Variants in ATP6V0A2 observed in about 807,000 individuals in gnomAD.
ATP6V0A2 encodes the protein V-type proton ATPase 116 kDa subunit a 2.
A neutral mutation model predicts 104.4 loss-of-function variants in ATP6V0A2; 58 were observed. The ratio of observed to expected loss-of-function variants is 0.56; its 90% CI spans 0.45 to 0.69. The LOEUF is 0.69. ATP6V0A2 is among the 30% of genes least tolerant of loss of function. The probability of loss-of-function intolerance (pLI) is 0.00; values close to 1 mark genes in which losing one functional copy is unlikely to be tolerated. For synonymous variants in ATP6V0A2, 376 were observed against 397.9 expected, an observed-to-expected ratio of 0.95 and a Z score of 0.65; for missense variants, 938 against 1,062.9, an observed-to-expected ratio of 0.88 and a Z score of 1.63.
In ATP6V0A2 at chr12:123,737,281, C is replaced by T. The variant is rs1956564638; in HGVS notation, c.1038+10C>T. 1 of 1,613,524 alleles carries T rather than the reference C, an allele frequency of 6.2e-7. No homozygotes were observed. Among genetic ancestry groups the T allele is most frequent in the Non-Finnish European group, 8.5e-7 (1 of 1,179,672 alleles). On this transcript the variant is annotated intron_variant, in intron 9 of 19. Coordinates refer to ENST00000330342, the MANE Select transcript of ATP6V0A2 (RefSeq NM_012463.4). ...ACTGGAGGAGGGCTCGGTAAGGCTG[C>T]CTTCCTCTCCTCTGCCAGGAACAGA...
Position 123,759,129 on chromosome 12 carries a change from G to T in ATP6V0A2, c.*1097G>T, listed in dbSNP as rs1277118447. The T allele has an allele frequency of 1.3e-5, 2 of 152,470 alleles. No individual in the cohort carries two copies. Among genetic ancestry groups the T allele is most frequent in the Non-Finnish European group, 2.9e-5 (2 of 68,018 alleles). The allele number at this position is 152,470 out of a possible 1,614,324, so 9.4% of individuals were successfully genotyped here. A position where few individuals can be genotyped will look rare whatever the true frequency, so the allele number is the denominator to read the frequency against. On this transcript the variant is annotated 3_prime_UTR_variant, in exon 20 of 20. Coordinates refer to ENST00000330342, the MANE Select transcript of ATP6V0A2 (RefSeq NM_012463.4). ...TTGGCTGATGTCACTGAACCAGAAG[G>T]GTTTATACTGAGTGAAGGAAAGGTA...
Position 123,726,293 on chromosome 12 carries a change from A to T in ATP6V0A2, c.521+8A>T. 6.2e-7 allele frequency: 1 copy of T among 1,609,052 alleles called. No individual in the cohort carries two copies. The highest frequency in any genetic ancestry group is 8.5e-7 in the Non-Finnish European group (1 of 1,175,310). On this transcript the variant is annotated splice_region_variant and intron_variant, in intron 5 of 19. Transcript: ENST00000330342. ...GCTGGGAGCAAAACTGGGGTAGGTGACAAGGCCTGGGGTGTCAGGCTTCAT... is the reference window on the plus strand; with the variant it reads ...GCTGGGAGCAAAACTGGGGTAGGTGTCAAGGCCTGGGGTGTCAGGCTTCAT...
At chr12:123,723,924 T>G (rs1375035610) in intron 3 of ATP6V0A2, 1 of 152,074 alleles carries the variant, frequency 6.6e-6, no homozygotes, top group Non-Finnish European at 1.5e-5. Flanking sequence ...ATGTGTGATA[T>G]GAATAAGCAG....
rs143178672 is a variant in ATP6V0A2, at chr12:123,751,155, C to G, written c.1981C>G (p.Pro661Ala). Residue 661 changes from proline to alanine, a missense_variant, in exon 16 of 20, where the codon CCT becomes GCT. Physicochemically the swap from Pro to Ala is conservative, Grantham distance 27 (BLOSUM62 -1). Coordinates refer to ENST00000330342, the MANE Select transcript of ATP6V0A2 (RefSeq NM_012463.4). ...VLLVVTALSV[P>A]VLFLGKPLFL... The stretch of plus-strand genomic sequence containing the variant: ...GCTGGTTGTCACAGCATTGTCTGTC[C>G]CTGTCCTCTTCTTGGGAAAGCCACT... 9.9e-6 allele frequency: 16 copies of G among 1,614,014 alleles called. No individual in the cohort carries two copies. Among genetic ancestry groups the G allele is most frequent in the Non-Finnish European group, 1.4e-5 (16 of 1,180,050 alleles).
At chr12:123,739,231 G>A (rs543304954) in intron 9 of ATP6V0A2, among the ~76,000 whole-genome samples, 3 of 152,270 alleles carry the variant, frequency 2.0e-5, no homozygotes, top group South Asian at 4.1e-4. Flanking sequence ...TCTTTGCTCC[G>A]CTCGTGGGCA....
At position 123,744,896 on chromosome 12, in the gene ATP6V0A2, G is replaced by T. The variant is rs1217911686; in HGVS notation, c.1529G>T (p.Arg510Ile). ...KMVLWNDSVV[R>I]HNSILQLDPS... ...TTTTGTTACAGTGACAGCGTCGTTA[G>T]ACACAACAGCATTTTGCAGCTGGAT... The change falls in exon 13 of 20, where the codon AGA (arginine) becomes ATA (isoleucine). Residue 510 changes from arginine (R) to isoleucine (I), a missense_variant. Arg to Ile is a moderately conservative substitution (Grantham distance 97). Coordinates refer to ENST00000330342, the MANE Select transcript of ATP6V0A2 (RefSeq NM_012463.4). This position sits in a 1 kb window ranked among gnomAD's most constrained non-coding sequence, Gnocchi z 5.4. 15 of 1,614,212 alleles carry T rather than the reference G, an allele frequency of 9.3e-6. No individual in the cohort carries two copies. The highest frequency in any genetic ancestry group is 1.3e-5 in the Non-Finnish European group (15 of 1,180,044).
chr12:123,735,566 C>A lies in ATP6V0A2; in HGVS notation c.767C>A (p.Ala256Asp). The A allele has an allele frequency of 6.2e-7, 1 of 1,614,034 alleles. No homozygotes were observed. Among genetic ancestry groups the A allele is most frequent in the Non-Finnish European group, 8.5e-7 (1 of 1,179,950 alleles). The change falls in exon 8 of 20, where the codon GCC (alanine) becomes GAC (aspartate). Residue 256 changes from alanine to aspartate, a missense_variant. Transcript: ENST00000330342. ...HCHVYPYPNTAEERREIQEGL... is the reference protein window; with the variant it reads ...HCHVYPYPNTDEERREIQEGL... ...CACGTGTACCCCTATCCAAACACAG[C>A]CGAGGAGCGGAGGGAGATCCAGGAG...
intron 4 of ATP6V0A2, among the ~76,000 whole-genome samples, chr12:123,725,188 C>A (rs1396237472): frequency 1.3e-5 from 2 of 152,152 alleles, no homozygotes; most frequent in African/African-American, 2.4e-5. Context: ...CCTTCCTCGG[C>A]CTTCCAAAGT....
intron 15 of ATP6V0A2, chr12:123,750,331 GTCAGC>G (rs1956702505): frequency 6.6e-6 from 1 of 152,536 alleles, no homozygotes; most frequent in Admixed American, 6.5e-5. Flanking sequence ...GTTAACCTAG[GTCAGC>G]CTGGCTCCAG....
intron 7 of ATP6V0A2, 127 bp downstream of exon 7, chr12:123,734,135 A>G: frequency 1.4e-6 from 1 of 695,456 alleles, no homozygotes; most frequent in Non-Finnish European, 2.5e-6. Context: ...TCTTTGCTGC[A>G]CTGCCAAGTT....
intron 15 of ATP6V0A2, among the ~76,000 whole-genome samples, chr12:123,749,730 G>A (rs1372434045): frequency 1.3e-5 from 2 of 152,268 alleles, no homozygotes; most frequent in Admixed American, 1.3e-4. Flanking sequence ...TCCTGCCCAC[G>A]GATGCTGGTC....
At chr12:123,725,382 A>C (rs1956439733) in intron 4 of ATP6V0A2, among the ~76,000 whole-genome samples, 1 of 152,228 alleles carries the variant, frequency 6.6e-6, no homozygotes, top group Non-Finnish European at 1.5e-5. Context: ...GGTTGAAAAA[A>C]ATTTTTATGA....
chr12:123,746,724 A>C (rs909950553), intron 13 of ATP6V0A2, among the ~76,000 whole-genome samples: 6 of 151,184 alleles, frequency 4.0e-5, no homozygotes, highest in African/African-American at 9.7e-5. Context: ...AGGCAGGCGG[A>C]TCACCTGAGG....
At chr12:123,730,301 C>T (rs929174884) in intron 6 of ATP6V0A2, among the ~76,000 whole-genome samples, 16 of 151,908 alleles carry the variant, frequency 1.1e-4, no homozygotes, top group South Asian at 2.1e-4. Context: ...ATGATCCACC[C>T]GCCTCGGCCT....
intron 9 of ATP6V0A2, among the ~76,000 whole-genome samples, chr12:123,743,074 CTCTT>C (rs1956624494): frequency 1.3e-5 from 2 of 152,126 alleles, no homozygotes; most frequent in South Asian, 4.1e-4. Context: ...CTCAAACTTC[CTCTT>C]TCTTCACCGT....
At chr12:123,725,905 A>G (rs1358963386) in intron 4 of ATP6V0A2, among the ~76,000 whole-genome samples, 2 of 152,194 alleles carry the variant, frequency 1.3e-5, no homozygotes, top group Non-Finnish European at 2.9e-5. Context: ...ACTTAGTTTC[A>G]CTTGATATGA....
intron 1 of ATP6V0A2, among the ~76,000 whole-genome samples, chr12:123,714,939 G>T (rs182177090): frequency 6.6e-6 from 1 of 152,254 alleles, no homozygotes; most frequent in Non-Finnish European, 1.5e-5. Context: ...AATTAGCTGG[G>T]CATGGCGGGG....
chr12:123,726,617 C>T (rs557109414), intron 5 of ATP6V0A2, among the ~76,000 whole-genome samples: 93 of 152,240 alleles, frequency 6.1e-4, no homozygotes, highest in African/African-American at 2.2e-3. Flanking sequence ...GTGGCTAAAC[C>T]GAGTTGGTTA....
At chr12:123,716,733 G>C (rs1189765465) in intron 1 of ATP6V0A2, among the ~76,000 whole-genome samples, 1 of 151,400 alleles carries the variant, frequency 6.6e-6, no homozygotes, top group Non-Finnish European at 1.5e-5. Flanking sequence ...AGAGGTTGCA[G>C]TGAGCTGAGA....
Sources: allele counts gnomAD v4.1 joint callset (sites outside exome capture counted in the v4.1 genomes callset), GRCh38; gene constraint gnomAD v4.1.1; non-coding constraint Gnocchi (gnomAD v3.1); transcripts MANE v1.5; gene names NCBI Gene and HGNC (gene_info 2026-07-23, HGNC 2026-07-21).